The following NKIRAS1 variants were observed in gnomAD, a reference collection of about 807,000 sequenced individuals.
NKIRAS1 encodes the protein NF-kappa-B inhibitor-interacting Ras-like protein 1.
NKIRAS1 carries 16 observed loss-of-function variants against 19.8 expected under a neutral mutation model. That is an observed-to-expected ratio of 0.81 (90% CI 0.55 to 1.23). The LOEUF (loss-of-function observed/expected upper bound fraction) is 1.23. Among genes scored for constraint, NKIRAS1 ranks in the 50% most tolerant of loss-of-function variants. NKIRAS1 has a pLI of 0.00. For synonymous variants in NKIRAS1, 88 were observed against 79.0 expected (o/e 1.11, Z -0.61); for missense variants, 184 against 220.0 (o/e 0.84, Z 1.04).
rs1247512539 is a variant in NKIRAS1 at position 23,926,320 on chromosome 3, G to C, written c.-139-14870C>G. ...ACCTGCCTTGGACTCCCAAAGTGCT[G>C]GGATTATAGGTATGAGCCATGGCGC... On this transcript the variant is annotated intron_variant, in intron 1 of 4. Transcript: ENST00000421515. This position sits in a 1 kb window ranked among gnomAD's most constrained non-coding sequence, Gnocchi z 4.3. Among the ~76,000 whole-genome samples, 1 of 152,190 alleles carries C rather than the reference G, an allele frequency of 6.6e-6. No individual in the cohort carries two copies. Among genetic ancestry groups the C allele is most frequent in the Non-Finnish European group, 1.5e-5 (1 of 68,038 alleles).
At chr3:23,918,260 C>T (rs1263386834), upstream of NKIRAS1, 8 of 900,642 alleles carry the variant, frequency 8.9e-6, no homozygotes, top group South Asian at 5.4e-5. Flanking sequence ...AACAGTGTGC[C>T]TCCCTGTGTG....
intron 1 of NKIRAS1, among the ~76,000 whole-genome samples, chr3:23,937,402 ATGCTAGGAGAGATTGCAC>A (rs1705415870): frequency 6.6e-6 from 1 of 152,208 alleles, no homozygotes; most frequent in Admixed American, 6.5e-5. Context: ...TAATGAACTC[ATGCTAGGAGAGATTGCAC>A]TGCTGGGAGG....
rs142608367 is a variant in NKIRAS1 at position 23,893,699 on chromosome 3, C to A, written c.337-362G>T. The stretch of plus-strand genomic sequence containing the variant: ...GTGTGCGCCTGTACTTGGGAGGCTG[C>A]GGCAGGAGAATCGCTGGAACCCGGG... On this transcript the variant is annotated intron_variant, in intron 4 of 4. Transcript: ENST00000425478. Among the ~76,000 whole-genome samples the A allele has an allele frequency of 3.6e-3, 541 of 148,748 alleles. 16 individuals carry two copies. The East Asian group carries it at 0.051, about 14-fold the overall frequency.
Position 23,910,533 on chromosome 3 carries a change from G to A in NKIRAS1, c.94+278C>T, listed in dbSNP as rs111936332. Among the ~76,000 whole-genome samples, 528 of 152,192 alleles carry A rather than the reference G, an allele frequency of 3.5e-3. 13 individuals carry two copies. In the East Asian group the frequency reaches 0.066, roughly 19 times the overall value. On this transcript the variant is annotated intron_variant, in intron 3 of 4. Transcript: ENST00000425478. ...TACACCATTCATTATGTAAATACAC[G>A]GAAAACCACATATATACAAAGGAAT...
chr3:23,920,834 TAAACTA>T (rs1328378202), upstream of NKIRAS1: 8 of 911,198 alleles, frequency 8.8e-6, no homozygotes, highest in African/African-American at 1.3e-4. Context: ...AAATGTCTAT[TAAACTA>T]AAACAAATGG....
chr3:23,896,549 G>A (rs1248076557), intron 4 of NKIRAS1, among the ~76,000 whole-genome samples: 1 of 151,810 alleles, frequency 6.6e-6, no homozygotes, highest in African/African-American at 2.4e-5. Context: ...GGAGGCGGAG[G>A]TTGCTGTGGG....
At chr3:23,918,090 C>G, upstream of NKIRAS1, 1 of 1,564,924 alleles carries the variant, frequency 6.4e-7, no homozygotes, top group Non-Finnish European at 8.7e-7. Flanking sequence ...AGTTGGAAAC[C>G]AGCTGTTAGG....
chr3:23,896,772 A>C (rs1702038054), intron 4 of NKIRAS1, among the ~76,000 whole-genome samples: 1 of 151,968 alleles, frequency 6.6e-6, no homozygotes. Flanking sequence ...CCAGGAGTTC[A>C]AGACTAGCCT....
chr3:23,898,151 C>T (rs924225899), intron 4 of NKIRAS1, among the ~76,000 whole-genome samples: 2 of 151,790 alleles, frequency 1.3e-5, no homozygotes, highest in South Asian at 2.1e-4. Flanking sequence ...TTGCCTGTTT[C>T]GGTGGGAAAG....
At chr3:23,930,868 G>GT (rs35470415) in intron 1 of NKIRAS1, among the ~76,000 whole-genome samples, 20,589 of 123,820 alleles carry the variant, frequency 0.17, 2,819 homozygotes, top group African/African-American at 0.36. Flanking sequence ...ATGTCCGGCT[G>GT]TTTTTTTTTT....
At chr3:23,915,651 C>T (rs1704290634) in intron 1 of NKIRAS1, among the ~76,000 whole-genome samples, 1 of 152,192 alleles carries the variant, frequency 6.6e-6, no homozygotes, top group African/African-American at 2.4e-5. Context: ...AGAACCTTCA[C>T]CTCTCCGACG....
intron 1 of NKIRAS1, among the ~76,000 whole-genome samples, chr3:23,913,735 C>T (rs1016640843): frequency 5.9e-5 from 9 of 152,076 alleles, no homozygotes; most frequent in African/African-American, 1.7e-4. Flanking sequence ...CCAGTTCCTG[C>T]GAAATATACA....
At chr3:23,920,074 T>C, upstream of NKIRAS1, 1 of 985,916 alleles carries the variant, frequency 1.0e-6, no homozygotes, top group African/African-American at 1.7e-5. Flanking sequence ...AACACTGGTG[T>C]GTTTTGAAGT....
chr3:23,926,450 TTCTC>T lies in NKIRAS1; in HGVS notation c.-139-15004_-139-15001del, dbSNP rs1161789809. On this transcript the variant is annotated intron_variant, in intron 1 of 4. Transcript: ENST00000421515. This position sits in a 1 kb window ranked among gnomAD's most constrained non-coding sequence, Gnocchi z 4.3. ...CCTCCTCTTGCTCCTCGTCCTCCTCTTCTCTCTTTTTTCTCTTCTTCCTCTTTCT... is the reference window on the plus strand; with the variant it reads ...CCTCCTCTTGCTCCTCGTCCTCCTCTTCTTTTTTCTCTTCTTCCTCTTTCT... 1.3e-5 allele frequency among the ~76,000 whole-genome samples: 2 copies of T among 152,210 alleles called. No individual in the cohort carries two copies. Among genetic ancestry groups the T allele is most frequent in the East Asian group, 1.9e-4 (1 of 5,184 alleles).
intron 1 of NKIRAS1, among the ~76,000 whole-genome samples, chr3:23,940,610 A>G (rs1054626584): frequency 6.6e-6 from 1 of 152,196 alleles, no homozygotes; most frequent in Non-Finnish European, 1.5e-5. Flanking sequence ...GTTTATTTGA[A>G]TATTTTATGA....
chr3:23,939,098 T>C (rs10865792), intron 1 of NKIRAS1, among the ~76,000 whole-genome samples: 97,744 of 152,048 alleles, frequency 0.64, 31,621 homozygotes, highest in Middle Eastern at 0.75. Flanking sequence ...AGTCACTAAG[T>C]TATGGGGTGA....
intron 1 of NKIRAS1, among the ~76,000 whole-genome samples, chr3:23,929,600 TTG>T (rs1424631445): frequency 1.3e-5 from 2 of 148,988 alleles, no homozygotes; most frequent in South Asian, 2.1e-4. Context: ...CTAATTTTTT[TTG>T]TTGTTGTTGT....
chr3:23,901,179 CTT>C (rs369838815), intron 3 of NKIRAS1, 130 bp from the exon 4 acceptor site: 25,478 of 698,202 alleles, frequency 0.036, no homozygotes, highest in South Asian at 0.049. Context: ...TTCTATTTTA[CTT>C]TTTTTTTTTT....
chr3:23,931,021 T>TA (rs1705306912), intron 1 of NKIRAS1, among the ~76,000 whole-genome samples: 1 of 151,944 alleles, frequency 6.6e-6, no homozygotes, highest in South Asian at 2.1e-4. Flanking sequence ...TGTATTTCAA[T>TA]ATGTAAATAT....
Sources: gnomAD v4.1 joint callset for allele counts (sites outside exome capture counted in the v4.1 genomes callset) on GRCh38, gnomAD v4.1.1 for gene constraint, Gnocchi (gnomAD v3.1) non-coding constraint, MANE v1.5 for transcripts, NCBI Gene and HGNC (gene_info 2026-07-23, HGNC 2026-07-21) for gene names.